The following CARM1 variants were observed in gnomAD, a reference collection of about 807,000 sequenced individuals.
The protein encoded by CARM1 is histone-arginine methyltransferase CARM1.
CARM1 carries 14 observed loss-of-function variants against 72.7 expected under a neutral mutation model. The ratio of observed to expected loss-of-function variants is 0.19; its 90% CI spans 0.13 to 0.30. CARM1 has a LOEUF of 0.30. Among genes scored for constraint, CARM1 ranks in the 10% least tolerant of loss-of-function variants. The pLI, the probability that CARM1 is intolerant of heterozygous loss-of-function variation, is 1.00. For missense variants in CARM1, 432 were observed against 833.7 expected (o/e 0.52, Z 5.93); for synonymous variants, 333 against 345.5 (o/e 0.96, Z 0.40).
At position 10,909,086 on chromosome 19, in the gene CARM1, G is replaced by C; in HGVS notation, c.454-17G>C. The stretch of plus-strand genomic sequence containing the variant: ...TGCCACCATGTGCCCCGTGCCATCG[G>C]TATGTCTCTGTTCCAGTTTTATGGC... On this transcript the variant is annotated splice_polypyrimidine_tract_variant and intron_variant, in intron 3 of 15. Coordinates refer to ENST00000327064, the MANE Select transcript of CARM1 (RefSeq NM_199141.2). 6.3e-7 allele frequency: 1 copy of C among 1,597,304 alleles called. No homozygotes were observed. Among genetic ancestry groups the C allele is most frequent in the Non-Finnish European group, 8.6e-7 (1 of 1,165,350 alleles).
chr19:10,907,657 C>A (rs2074114919), intron 2 of CARM1, among the ~76,000 whole-genome samples: 2 of 152,154 alleles, frequency 1.3e-5, no homozygotes, highest in African/African-American at 4.8e-5. Context: ...GTCTGCTGCC[C>A]CCACACAGAT....
chr19:10,873,631 T>TTG (rs2146292877), intron 1 of CARM1, among the ~76,000 whole-genome samples: 1 of 111,810 alleles, frequency 8.9e-6, no homozygotes, highest in Admixed American at 8.6e-5. Flanking sequence ...TTAGTTTTTT[T>TTG]TTTTTTTTTT....
At chr19:10,909,523 C>G (rs2074130310) in intron 4 of CARM1, among the ~76,000 whole-genome samples, 1 of 151,998 alleles carries the variant, frequency 6.6e-6, no homozygotes, top group African/African-American at 2.4e-5. Flanking sequence ...GTCACAAGGT[C>G]AGGAGATCGA....
chr19:10,885,492 T>C (rs1000522060), intron 1 of CARM1, among the ~76,000 whole-genome samples: 1 of 152,156 alleles, frequency 6.6e-6, no homozygotes, highest in South Asian at 2.1e-4. Context: ...GGTGTGGGCA[T>C]GGGTGCTACT....
chr19:10,887,923 GC>G (rs1217009107), intron 1 of CARM1, among the ~76,000 whole-genome samples: 1 of 152,174 alleles, frequency 6.6e-6, no homozygotes, highest in African/African-American at 2.4e-5. Flanking sequence ...CTGAAGGCAG[GC>G]CCCAGCCCAG....
intron 3 of CARM1, 89 bp downstream of exon 3, chr19:10,908,234 C>A: frequency 1.2e-6 from 1 of 839,078 alleles, no homozygotes; most frequent in Non-Finnish European, 2.0e-6. Flanking sequence ...ACAGGGAAGG[C>A]CCACCCAAGT....
Position 10,922,566 on chromosome 19 carries a change from G to C in CARM1, c.*809G>C, listed in dbSNP as rs1418435076. The stretch of plus-strand genomic sequence containing the variant: ...CTTGGGGCAGACACAGACACCTCAA[G>C]GATCTGTCACGGAAGGCGTCCTTTT... On this transcript the variant is annotated 3_prime_UTR_variant, in exon 16 of 16. Coordinates refer to ENST00000327064, the MANE Select transcript of CARM1 (RefSeq NM_199141.2). 1.4e-5 allele frequency: 2 copies of C among 145,588 alleles called. No homozygotes were observed. The highest frequency in any genetic ancestry group is 3.0e-5 in the Non-Finnish European group (2 of 67,576). 9.0% of individuals were successfully genotyped at this position (145,588 alleles called of 1,614,324 possible). A position where few individuals can be genotyped will look rare whatever the true frequency, so the allele number is the denominator to read the frequency against.
At chr19:10,899,526 G>T (rs2074048591) in intron 1 of CARM1, among the ~76,000 whole-genome samples, 1 of 152,068 alleles carries the variant, frequency 6.6e-6, no homozygotes, top group Non-Finnish European at 1.5e-5. Flanking sequence ...TGGGGCAGTG[G>T]CCTGCTGACA....
chr19:10,899,188 C>A (rs1433694456), intron 1 of CARM1, among the ~76,000 whole-genome samples: 1 of 152,204 alleles, frequency 6.6e-6, no homozygotes, highest in Non-Finnish European at 1.5e-5. Flanking sequence ...TTGCCCTCAG[C>A]CCCGGCATCT....
chr19:10,882,259 C>T (rs1430421971), intron 1 of CARM1, among the ~76,000 whole-genome samples: 1 of 152,178 alleles, frequency 6.6e-6, no homozygotes, highest in African/African-American at 2.4e-5. Flanking sequence ...CCTGGCATGG[C>T]CAAGGGCATG....
Position 10,920,019 on chromosome 19 carries a change from T to C in CARM1, c.1196+53T>C. The C allele has an allele frequency of 6.4e-6, 9 of 1,412,250 alleles. No homozygotes were observed. Among genetic ancestry groups the C allele is most frequent in the South Asian group, 1.2e-5 (1 of 86,454 alleles). The allele number at this position is 1,412,250 out of a possible 1,614,324, so 87.5% of individuals were successfully genotyped here. ...CCTCCTCCCCACTCCCAGGGCTTCC[T>C]GCAGCTGCAACCTGGCTGGGGGGGT... On this transcript the variant is annotated intron_variant, in intron 10 of 15. Transcript: ENST00000327064. The surrounding 1 kb of genome is among the most constrained non-coding windows in gnomAD (Gnocchi z 5.3).
rs376880371 is a variant in CARM1 at position 10,896,632 on chromosome 19, TC to T, written c.221-8316del. Among the ~76,000 whole-genome samples, 199 of 152,262 alleles carry T rather than the reference TC, an allele frequency of 1.3e-3. 2 individuals carry two copies. Among genetic ancestry groups the T allele is most frequent in the African/African-American group, 4.5e-3 (187 of 41,534 alleles). On this transcript the variant is annotated intron_variant, in intron 1 of 15. Coordinates refer to ENST00000327064, the MANE Select transcript of CARM1 (RefSeq NM_199141.2). This position sits in a 1 kb window ranked among gnomAD's most constrained non-coding sequence, Gnocchi z 5.2. ...TCAACCCACGTTTCTTGGAGGTCTG[TC>T]CCAGTAGCCTCCCAGGGCTCACCAC... is the stretch of plus-strand genomic sequence containing the variant.
At chr19:10,897,741 A>C (rs1254038094) in intron 1 of CARM1, among the ~76,000 whole-genome samples, 1 of 152,014 alleles carries the variant, frequency 6.6e-6, no homozygotes, top group Non-Finnish European at 1.5e-5. Context: ...TGATCTCAGC[A>C]CTTTGGGAGG....
chr19:10,871,637 G>GGCA lies in CARM1; in HGVS notation c.-63_-61dup, dbSNP rs1555723477. 9.8e-3 allele frequency: 1,609 copies of GGCA among 164,126 alleles called. 31 individuals are homozygous for GGCA. Among genetic ancestry groups the GGCA allele is most frequent in the African/African-American group, 0.059 (1,537 of 26,016 alleles). The allele number at this position is 164,126 out of a possible 1,614,324, so 10.2% of individuals were successfully genotyped here. ...CGGCGGCGGCGGCGGCGGCGGCGGC[G>GGCA]GCAGCGGCGGCGGCCTGGGCCCGGG... On this transcript the variant is annotated 5_prime_UTR_variant, in exon 1 of 16. Transcript: ENST00000327064. The surrounding 1 kb of genome is among the most constrained non-coding windows in gnomAD (Gnocchi z 5.6).
Position 10,920,403 on chromosome 19 carries a change from C to A in CARM1, c.1197-33C>A. ...TGGTGGCTCCAGTGGTGGCGCCGGC[C>A]CAGTCAAGTATGTGCCTGTCCCTGC... On this transcript the variant is annotated intron_variant, in intron 10 of 15. Transcript: ENST00000327064. This position sits in a 1 kb window ranked among gnomAD's most constrained non-coding sequence, Gnocchi z 5.3. 1 of 1,593,906 alleles carries A rather than the reference C, an allele frequency of 6.3e-7. No homozygotes were observed. The highest frequency in any genetic ancestry group is 8.6e-7 in the Non-Finnish European group (1 of 1,165,042).
Position 10,916,888 on chromosome 19 carries a change from C to T in CARM1, c.1020+111C>T. ...TCTGAGCCCTCTCCTCTGCCCTGCA[C>T]AGCGCTCTCACAGAGATTTGGGCCA... is the stretch of plus-strand genomic sequence containing the variant. On this transcript the variant is annotated intron_variant, in intron 8 of 15. Coordinates refer to ENST00000327064, the MANE Select transcript of CARM1 (RefSeq NM_199141.2). The surrounding 1 kb of genome is among the most constrained non-coding windows in gnomAD (Gnocchi z 4.4). The T allele has an allele frequency of 2.6e-6, 2 of 766,832 alleles. No homozygotes were observed. The highest frequency in any genetic ancestry group is 2.1e-6 in the Non-Finnish European group (1 of 473,978). 47.5% of individuals were successfully genotyped at this position (766,832 alleles called of 1,614,324 possible). A position where few individuals can be genotyped will look rare whatever the true frequency, so the allele number is the denominator to read the frequency against.
intron 5 of CARM1, among the ~76,000 whole-genome samples, 190 bp from the exon 6 acceptor site, chr19:10,913,687 C>T (rs1233181902): frequency 6.6e-6 from 1 of 152,194 alleles, no homozygotes; most frequent in Non-Finnish European, 1.5e-5. Context: ...GCATGAGGCA[C>T]CGTGCCCGGC....
chr19:10,918,171 T>C (rs2074213199), intron 8 of CARM1, among the ~76,000 whole-genome samples: 1 of 152,218 alleles, frequency 6.6e-6, no homozygotes, highest in Non-Finnish European at 1.5e-5. Context: ...GTAATGTTAA[T>C]GCAAGTCCAG....
rs1298349694 is a variant in CARM1, at chr19:10,896,814, T to A, written c.221-8137T>A. Among the ~76,000 whole-genome samples, 1 of 152,192 alleles carries A rather than the reference T, an allele frequency of 6.6e-6. No homozygotes were observed. The highest frequency in any genetic ancestry group is 1.9e-4 in the East Asian group (1 of 5,198). Reference sequence around the variant, plus strand: ...TCTCTGTCAGTCTGCCACTCGGCTGTCCTCACCGCCTCTAGGATGGGGAGT... The same window carrying A: ...TCTCTGTCAGTCTGCCACTCGGCTGACCTCACCGCCTCTAGGATGGGGAGT... On this transcript the variant is annotated intron_variant, in intron 1 of 15. Transcript: ENST00000327064. The surrounding 1 kb of genome is among the most constrained non-coding windows in gnomAD (Gnocchi z 5.2).
Sources: gnomAD v4.1 joint callset for allele counts (sites outside exome capture counted in the v4.1 genomes callset) on GRCh38, gnomAD v4.1.1 for gene constraint, Gnocchi (gnomAD v3.1) non-coding constraint, MANE v1.5 for transcripts, NCBI Gene and HGNC (gene_info 2026-07-23, HGNC 2026-07-21) for gene names.